FAM149A: variants seen among roughly 807,000 people sequenced by gnomAD.
The protein encoded by FAM149A is protein FAM149A.
FAM149A carries 71 observed loss-of-function variants against 78.2 expected under a neutral mutation model. That is an observed-to-expected ratio of 0.91 (90% CI 0.75 to 1.11). FAM149A has a LOEUF of 1.11. FAM149A is among the 50% of genes least tolerant of loss of function. The pLI, the probability that FAM149A is intolerant of heterozygous loss-of-function variation, is 0.00. For missense variants in FAM149A, 1,036 were observed against 971.0 expected, an observed-to-expected ratio of 1.07 and a Z score of -0.89; for synonymous variants, 446 against 410.5, an observed-to-expected ratio of 1.09 and a Z score of -1.04.
chr4:186,147,299 A>G (rs529153227), intron 1 of FAM149A, among the ~76,000 whole-genome samples: 15 of 152,200 alleles, frequency 9.9e-5, no homozygotes, highest in Non-Finnish European at 1.5e-4. Context: ...TGGGAGGATA[A>G]CTTGAGGCCT....
intron 1 of FAM149A, chr4:186,123,205 T>G (rs1247106295): frequency 1.0e-6 from 1 of 985,140 alleles, no homozygotes; most frequent in Non-Finnish European, 1.2e-6. Flanking sequence ...ATTACTGAGT[T>G]TTCAAAGGAT....
rs868308202 is a variant in FAM149A, at chr4:186,136,986, C to T, written c.567-12187C>T. On this transcript the variant is annotated intron_variant, in intron 1 of 13. Transcript: ENST00000389354. The stretch of plus-strand genomic sequence containing the variant: ...TCTTTCTCTCTCTCTTTCTCTCTCT[C>T]TCTCTCTCTCTCTCTCTCTCTCTCT... Among the ~76,000 whole-genome samples, 75 of 122,230 alleles carry T rather than the reference C, an allele frequency of 6.1e-4. 3 individuals carry two copies. Among genetic ancestry groups the T allele is most frequent in the African/African-American group, 1.9e-3 (62 of 31,844 alleles). 80.2% of individuals were successfully genotyped at this position (122,230 alleles called of 152,430 possible).
intron 1 of FAM149A, among the ~76,000 whole-genome samples, chr4:186,148,754 A>AT (rs1051465055): frequency 7.2e-5 from 11 of 152,068 alleles, no homozygotes; most frequent in South Asian, 2.1e-4. Flanking sequence ...GGGATTAATG[A>AT]TTTTTTTACT....
chr4:186,173,832 C>A lies in FAM149A; in HGVS notation c.*1845C>A, dbSNP rs889186859. 2.7e-5 allele frequency among the ~76,000 whole-genome samples: 3 copies of A among 112,510 alleles called. No homozygotes were observed. The highest frequency in any genetic ancestry group is 5.6e-5 in the African/African-American group (2 of 35,856). 73.8% of individuals were successfully genotyped at this position (112,510 alleles called of 152,430 possible). A position where few individuals can be genotyped will look rare whatever the true frequency, so the allele number is the denominator to read the frequency against. On this transcript the variant is annotated 3_prime_UTR_variant, in exon 14 of 14. Coordinates refer to ENST00000389354, the MANE Select transcript of FAM149A (RefSeq NM_001367768.3). ...CCAAAGCATTTTTGAGAATTTTCTA[C>A]ATTATTCCTAAACATTAGCAATAGA...
rs111448527 is a variant in FAM149A, at chr4:186,174,084, C to CTT, written c.*2111_*2112dup. Among the ~76,000 whole-genome samples the CTT allele has an allele frequency of 1.9e-3, 174 of 93,820 alleles. 22 individuals carry two copies. The highest frequency in any genetic ancestry group is 5.6e-3 in the African/African-American group (166 of 29,716). The allele number at this position is 93,820 out of a possible 152,430, so 61.5% of individuals were successfully genotyped here. On this transcript the variant is annotated 3_prime_UTR_variant, in exon 14 of 14. Transcript: ENST00000389354. ...TCCTTCCCTATTCAGTCCAAACTTC[C>CTT]TTTTTTTTTTTTTTTACTTGAAGTT...
chr4:186,128,585 G>A (rs2099319349), intron 1 of FAM149A, among the ~76,000 whole-genome samples: 1 of 152,142 alleles, frequency 6.6e-6, no homozygotes. Flanking sequence ...TTTATTATGG[G>A]GAAGGGCTGA....
At position 186,152,022 on chromosome 4, in the gene FAM149A, G is replaced by A. The variant is rs1376420328; in HGVS notation, c.909G>A (p.Trp303Ter). The A allele has an allele frequency of 1.2e-6, 2 of 1,614,028 alleles. No homozygotes were observed. The highest frequency in any genetic ancestry group is 1.7e-5 in the Admixed American group (1 of 60,022). Residue 303 changes from tryptophan to a stop codon, truncating the protein, a stop_gained, in exon 4 of 14, where the codon TGG (tryptophan) becomes TGA (stop). Coordinates refer to ENST00000389354, the MANE Select transcript of FAM149A (RefSeq NM_001367768.3). LOFTEE classifies it high-confidence loss of function. ...GTCTGCTGGCCGAATGCGGGGAGTG[G>A]ACAAGAAGATCCCTCCATTTGAGGT...
chr4:186,164,409 C>T lies in FAM149A; in HGVS notation c.1889+776C>T, dbSNP rs1373952910. The T allele has an allele frequency of 1.2e-5, 12 of 972,766 alleles. No homozygotes were observed. Among genetic ancestry groups the T allele is most frequent in the African/African-American group, 8.8e-5 (5 of 56,908 alleles). The allele number at this position is 972,766 out of a possible 1,614,324, so 60.3% of individuals were successfully genotyped here. A position where few individuals can be genotyped will look rare whatever the true frequency, so the allele number is the denominator to read the frequency against. On this transcript the variant is annotated intron_variant, in intron 10 of 13. Coordinates refer to ENST00000389354, the MANE Select transcript of FAM149A (RefSeq NM_001367768.3). This position sits in a 1 kb window ranked among gnomAD's most constrained non-coding sequence, Gnocchi z 4.0. ...CTTTAGAGACCACCCACTGGACCCC[C>T]GGCCTGCAGGGGAGCTGTTATCAGG... is the stretch of plus-strand genomic sequence containing the variant.
In FAM149A at chr4:186,144,990, G is replaced by T; in HGVS notation, c.567-4183G>T. The T allele has an allele frequency of 1.0e-6, 1 of 979,312 alleles. No homozygotes were observed. Among genetic ancestry groups the T allele is most frequent in the South Asian group, 4.7e-5 (1 of 21,368 alleles). The allele number at this position is 979,312 out of a possible 1,614,324, so 60.7% of individuals were successfully genotyped here. A position where few individuals can be genotyped will look rare whatever the true frequency, so the allele number is the denominator to read the frequency against. ...GGGGAGCCCCAGCCCCGGGGCCGCG[G>T]GGGCGCGTGACCGGCTGTCTGCGTG... On this transcript the variant is annotated intron_variant, in intron 1 of 13. Transcript: ENST00000389354. The surrounding 1 kb of genome is among the most constrained non-coding windows in gnomAD (Gnocchi z 4.2).
At position 186,172,986 on chromosome 4, in the gene FAM149A, T is replaced by C. The variant is rs145165537; in HGVS notation, c.*999T>C. 2.9e-4 allele frequency among the ~76,000 whole-genome samples: 32 copies of C among 112,062 alleles called. 9 individuals are homozygous for C. The highest frequency in any genetic ancestry group is 8.9e-4 in the African/African-American group (32 of 35,788). The allele number at this position is 112,062 out of a possible 152,430, so 73.5% of individuals were successfully genotyped here. Reference sequence around the variant, plus strand: ...TTGTGATTCAAGTCCTTACACTCATTTTTACATTCTCAAATCTCAAATCAG... The same window carrying C: ...TTGTGATTCAAGTCCTTACACTCATCTTTACATTCTCAAATCTCAAATCAG... On this transcript the variant is annotated 3_prime_UTR_variant, in exon 14 of 14. Transcript: ENST00000389354.
rs2099308391 is a variant in FAM149A, at chr4:186,105,523, C to T, written c.447C>T (p.Pro149=). 5.2e-6 allele frequency: 6 copies of T among 1,153,514 alleles called. No homozygotes were observed. Among genetic ancestry groups the T allele is most frequent in the Non-Finnish European group, 5.4e-6 (5 of 930,564 alleles). 71.5% of individuals were successfully genotyped at this position (1,153,514 alleles called of 1,614,324 possible). A position where few individuals can be genotyped will look rare whatever the true frequency, so the allele number is the denominator to read the frequency against. Residue 149 remains proline, a synonymous_variant, in exon 1 of 14, where the codon CCC becomes CCT. Coordinates refer to ENST00000389354, the MANE Select transcript of FAM149A (RefSeq NM_001367768.3). ...CCAGGAACCCGCTCCAGCCTGGCCCCGGAGAGCGAGAGCTCGGCGCCTGCG... is the reference window on the plus strand; with the variant it reads ...CCAGGAACCCGCTCCAGCCTGGCCCTGGAGAGCGAGAGCTCGGCGCCTGCG...
chr4:186,107,972 G>A (rs1327501955), intron 1 of FAM149A, among the ~76,000 whole-genome samples: 1 of 152,180 alleles, frequency 6.6e-6, no homozygotes, highest in Admixed American at 6.5e-5. Flanking sequence ...AAGGAAGAAA[G>A]TATTAAGACG....
intron 1 of FAM149A, among the ~76,000 whole-genome samples, chr4:186,135,146 A>G (rs1295604866): frequency 6.6e-6 from 1 of 152,182 alleles, no homozygotes; most frequent in African/African-American, 2.4e-5. Context: ...GCTGCATGTT[A>G]CAATTTGAGA....
In FAM149A at chr4:186,156,161, T is replaced by C. The variant is rs1734019879; in HGVS notation, c.1391T>C (p.Ile464Thr). The C allele has an allele frequency of 1.2e-6, 2 of 1,613,022 alleles. No homozygotes were observed. The change falls in exon 7 of 14, where the codon ATT becomes ACT. Residue 464 changes from isoleucine to threonine, a missense_variant. Transcript: ENST00000389354. The stretch of plus-strand genomic sequence containing the variant: ...ATGGTAGAACTTTTGGAAGAGCTGA[T>C]TAGAAAACACTGGGAAACTACACTC...
chr4:186,162,416 A>G (rs1239401417), intron 8 of FAM149A, among the ~76,000 whole-genome samples: 1 of 152,196 alleles, frequency 6.6e-6, no homozygotes, highest in Non-Finnish European at 1.5e-5. Flanking sequence ...GAGTTACCAG[A>G]GGCTGATACA....
intron 1 of FAM149A, among the ~76,000 whole-genome samples, chr4:186,130,314 T>TATATATATATATAA (rs141900902): frequency 0.035 from 4,075 of 116,074 alleles, 141 homozygotes; most frequent in South Asian, 0.046. Flanking sequence ...TATATATATA[T>TATATATATATATAA]AATCTATATC....
At chr4:186,129,343 G>A (rs1247632453) in intron 1 of FAM149A, among the ~76,000 whole-genome samples, 2 of 152,150 alleles carry the variant, frequency 1.3e-5, no homozygotes, top group Non-Finnish European at 2.9e-5. Context: ...GAGCAAGGAT[G>A]CAGCTCTCCT....
intron 1 of FAM149A, among the ~76,000 whole-genome samples, chr4:186,139,452 C>T (rs1184738707): frequency 1.3e-5 from 2 of 152,108 alleles, no homozygotes; most frequent in Non-Finnish European, 2.9e-5. Flanking sequence ...GGGATTCATG[C>T]CTTTATGAAG....
chr4:186,165,363 A>G lies in FAM149A; in HGVS notation c.1909A>G (p.Met637Val), dbSNP rs751343265. ...TTGCAGGCCGACTGGCGTGGACCACATGGCTTCCCCACTGGTTCAAACGTC... is the reference window on the plus strand; with the variant it reads ...TTGCAGGCCGACTGGCGTGGACCACGTGGCTTCCCCACTGGTTCAAACGTC... Residue 637 changes from methionine to valine, a missense_variant, in exon 11 of 14, where the codon ATG becomes GTG. By Grantham distance (21) the Met-to-Val change is conservative. Coordinates refer to ENST00000389354, the MANE Select transcript of FAM149A (RefSeq NM_001367768.3). 1.1e-5 allele frequency: 18 copies of G among 1,614,080 alleles called. No homozygotes were observed. The highest frequency in any genetic ancestry group is 2.7e-5 in the African/African-American group (2 of 74,930).
Sources: gnomAD v4.1 joint callset for allele counts (sites outside exome capture counted in the v4.1 genomes callset) on GRCh38, gnomAD v4.1.1 for gene constraint, Gnocchi (gnomAD v3.1) non-coding constraint, MANE v1.5 for transcripts, NCBI Gene and HGNC (gene_info 2026-07-23, HGNC 2026-07-21) for gene names.